Variants in HS3ST3A1 observed in about 807,000 individuals in gnomAD.
HS3ST3A1 encodes the protein heparan sulfate-glucosamine 3-sulfotransferase 3A1.
HS3ST3A1 carries 19 observed loss-of-function variants against 25.7 expected under a neutral mutation model. The ratio of observed to expected loss-of-function variants is 0.74; its 90% CI spans 0.52 to 1.08. The LOEUF (loss-of-function observed/expected upper bound fraction) is 1.08, where lower values mean the gene tolerates loss of function less well. Ranked by LOEUF, HS3ST3A1 falls within the 50% of genes least tolerant of loss-of-function variation. HS3ST3A1 has a pLI of 0.00. For missense variants in HS3ST3A1, 459 were observed against 594.3 expected (o/e 0.77, Z 2.37); for synonymous variants, 226 against 278.6 (o/e 0.81, Z 1.88).
At chr17:13,559,409 T>C (rs965138238) in intron 1 of HS3ST3A1, among the ~76,000 whole-genome samples, 5 of 151,806 alleles carry the variant, frequency 3.3e-5, no homozygotes, top group Admixed American at 2.0e-4. Flanking sequence ...AGTAAAAATA[T>C]TTTTGAAAAT....
At chr17:13,516,082 G>C (rs1001395756) in intron 1 of HS3ST3A1, among the ~76,000 whole-genome samples, 2 of 152,042 alleles carry the variant, frequency 1.3e-5, no homozygotes, top group Non-Finnish European at 2.9e-5. Flanking sequence ...AGGCCGAAGC[G>C]GGCGAATCAC....
chr17:13,544,056 T>C (rs1029941091), intron 1 of HS3ST3A1, among the ~76,000 whole-genome samples: 2 of 152,142 alleles, frequency 1.3e-5, no homozygotes, highest in African/African-American at 4.8e-5. Flanking sequence ...ATCAAATAAA[T>C]AGAAAACATT....
intron 1 of HS3ST3A1, among the ~76,000 whole-genome samples, chr17:13,517,452 A>T (rs1378299071): frequency 6.6e-6 from 1 of 152,184 alleles, no homozygotes; most frequent in Admixed American, 6.5e-5. Flanking sequence ...TGTTCACAGA[A>T]GGAGTACTGA....
At chr17:13,510,691 A>G (rs1905832392) in intron 1 of HS3ST3A1, among the ~76,000 whole-genome samples, 2 of 150,986 alleles carry the variant, frequency 1.3e-5, no homozygotes, top group South Asian at 4.2e-4. Context: ...CCCTGTGTGA[A>G]TATCTCAGTG....
rs964806140 is a variant in HS3ST3A1, at chr17:13,560,577, T to C, written c.599+39954A>G. ...TTTATTACAGCGTGTGTCTGGATTT[T>C]TGGTTTGGAATATAGAGTTTCTTTT... On this transcript the variant is annotated intron_variant, in intron 1 of 1. Coordinates refer to ENST00000284110, the MANE Select transcript of HS3ST3A1 (RefSeq NM_006042.3). 2.0e-5 allele frequency among the ~76,000 whole-genome samples: 3 copies of C among 152,146 alleles called. No individual in the cohort carries two copies. In the East Asian group the frequency reaches 5.8e-4, roughly 29 times the overall value.
chr17:13,572,085 C>T (rs1213021113), intron 1 of HS3ST3A1, among the ~76,000 whole-genome samples: 2 of 152,154 alleles, frequency 1.3e-5, no homozygotes, highest in Non-Finnish European at 1.5e-5. Context: ...AACACAGAGA[C>T]TCCACAGGAA....
In HS3ST3A1 at chr17:13,600,961, A is replaced by G. The variant is rs1423915201; in HGVS notation, c.169T>C (p.Ser57Pro). 1.3e-6 allele frequency: 2 copies of G among 1,544,840 alleles called. No homozygotes were observed. Among genetic ancestry groups the G allele is most frequent in the Non-Finnish European group, 1.7e-6 (2 of 1,145,754 alleles). ...QTLSGPVVGL[S>P]GGGEEAGAPG... ...GCCCCCGCCTCCTCGCCGCCGCCGG[A>G]CAGCCCCACGACGGGGCCGGACAGG... Residue 57 changes from serine (S) to proline (P), a missense_variant, in exon 1 of 2, where the codon TCC becomes CCC. Ser to Pro is a moderately conservative substitution (Grantham distance 74, BLOSUM62 -1). Around this residue, in one of 3 missense-constraint regions of HS3ST3A1, gnomAD observed 346 missense variants for 303.9 expected, o/e 1.14. Coordinates refer to ENST00000284110, the MANE Select transcript of HS3ST3A1 (RefSeq NM_006042.3).
intron 1 of HS3ST3A1, among the ~76,000 whole-genome samples, chr17:13,562,100 TG>T (rs1411955609): frequency 6.6e-6 from 1 of 152,178 alleles, no homozygotes; most frequent in African/African-American, 2.4e-5. Flanking sequence ...CCTGACTATG[TG>T]AATAAATAAC....
intron 1 of HS3ST3A1, among the ~76,000 whole-genome samples, chr17:13,585,152 C>A (rs1908217243): frequency 6.7e-6 from 1 of 148,150 alleles, no homozygotes; most frequent in African/African-American, 2.5e-5. Context: ...ACCATTTAGC[C>A]GCCAATTACA....
intron 1 of HS3ST3A1, among the ~76,000 whole-genome samples, chr17:13,508,322 A>G (rs1220347921): frequency 6.6e-6 from 1 of 152,252 alleles, no homozygotes; most frequent in Non-Finnish European, 1.5e-5. Context: ...GGAGGAGAGA[A>G]AACTCAAGGA....
intron 1 of HS3ST3A1, among the ~76,000 whole-genome samples, chr17:13,581,677 T>C (rs2142383081): frequency 6.6e-6 from 1 of 152,294 alleles, no homozygotes; most frequent in East Asian, 1.9e-4. Flanking sequence ...AAATAAGTTA[T>C]GTTATATCAA....
Position 13,515,478 on chromosome 17 carries a change from T to TTG in HS3ST3A1, c.600-18661_600-18660insCA, listed in dbSNP as rs201896962. Among the ~76,000 whole-genome samples the TTG allele has an allele frequency of 8.7e-3, 1,289 of 147,792 alleles. 14 individuals carry two copies. Among genetic ancestry groups the TTG allele is most frequent in the African/African-American group, 0.03 (1,229 of 40,696 alleles). On this transcript the variant is annotated intron_variant, in intron 1 of 1. Transcript: ENST00000284110. ...TCCAACCAGTTTGTTTCAGTTTTTT[T>TTG]TTTTTTTTTTTTTTTGCTGAATAGT... is the stretch of plus-strand genomic sequence containing the variant.
At chr17:13,575,615 C>G (rs187890696) in intron 1 of HS3ST3A1, among the ~76,000 whole-genome samples, 3 of 152,118 alleles carry the variant, frequency 2.0e-5, no homozygotes, top group Non-Finnish European at 2.9e-5. Context: ...CCAGATAGCA[C>G]AAGACCAAAC....
intron 1 of HS3ST3A1, among the ~76,000 whole-genome samples, chr17:13,546,021 T>A (rs561407514): frequency 6.6e-6 from 1 of 152,024 alleles, no homozygotes; most frequent in Non-Finnish European, 1.5e-5. Context: ...ATCTCCAGCC[T>A]CTTGCCAGCT....
rs535041190 is a variant in HS3ST3A1 at position 13,500,783 on chromosome 17, A to G, written c.600-3965T>C. Among the ~76,000 whole-genome samples the G allele has an allele frequency of 7.1e-3, 1,076 of 152,354 alleles. 9 individuals carry two copies. Among genetic ancestry groups the G allele is most frequent in the Middle Eastern group, 0.065 (19 of 294 alleles). The stretch of plus-strand genomic sequence containing the variant: ...AAGCAGAAATTTCACAAGCGAATTA[A>G]GAATTATTACAAGGTAGGTTATACA... On this transcript the variant is annotated intron_variant, in intron 1 of 1. Coordinates refer to ENST00000284110, the MANE Select transcript of HS3ST3A1 (RefSeq NM_006042.3).
intron 1 of HS3ST3A1, among the ~76,000 whole-genome samples, chr17:13,523,858 T>C (rs1906326208): frequency 6.6e-6 from 1 of 152,182 alleles, no homozygotes; most frequent in Non-Finnish European, 1.5e-5. Flanking sequence ...TCTAGTCTCA[T>C]TGTTTTATTA....
rs748480833 is a variant in HS3ST3A1, at chr17:13,496,849, G to A, written c.600-31C>T. On this transcript the variant is annotated intron_variant, in intron 1 of 1. Transcript: ENST00000284110. ...AAACGCAAAAAGGCATGTCAGAGAT[G>A]TGCAGAGAGAGCTCAGTCCCAGGAG... 8 of 1,598,284 alleles carry A rather than the reference G, an allele frequency of 5.0e-6. No individual in the cohort carries two copies. The South Asian group carries it at 6.8e-5, about 14-fold the overall frequency.
chr17:13,552,346 G>T (rs982623635), intron 1 of HS3ST3A1, among the ~76,000 whole-genome samples: 1 of 152,174 alleles, frequency 6.6e-6, no homozygotes, highest in African/African-American at 2.4e-5. Context: ...CTCCTAAAGT[G>T]CTGGGATCAC....
intron 1 of HS3ST3A1, among the ~76,000 whole-genome samples, chr17:13,585,823 G>C (rs1391934111): frequency 1.9e-5 from 1 of 51,826 alleles, no homozygotes; most frequent in Non-Finnish European, 4.3e-5. Context: ...CTTGAGACCT[G>C]TTATTCCTCC....
Sources: allele counts gnomAD v4.1 joint callset (sites outside exome capture counted in the v4.1 genomes callset), GRCh38; gene constraint gnomAD v4.1.1; regional missense constraint gnomAD v4.1.1; transcripts MANE v1.5; gene names NCBI Gene and HGNC (gene_info 2026-07-23, HGNC 2026-07-21).